CADM2: variants seen among roughly 807,000 people sequenced by gnomAD.
The protein encoded by CADM2 is cell adhesion molecule 2, also known as immunoglobulin superfamily member 4D.
In CADM2, 12 loss-of-function variants were observed where a neutral mutation model predicts 49.8. The ratio of observed to expected loss-of-function variants is 0.24; its 90% CI spans 0.15 to 0.39. CADM2 has a LOEUF of 0.39. CADM2 is among the 10% of genes least tolerant of loss of function. The pLI is 1.00. For missense variants in CADM2, 378 were observed against 492.3 expected, an observed-to-expected ratio of 0.77 and a Z score of 2.20; for synonymous variants, 214 against 175.4, an observed-to-expected ratio of 1.22 and a Z score of -1.74.
chr3:85,637,949 G>T (rs1259570998), intron 1 of CADM2, among the ~76,000 whole-genome samples: 1 of 152,118 alleles, frequency 6.6e-6, no homozygotes, highest in Non-Finnish European at 1.5e-5. Flanking sequence ...CCCACAATCT[G>T]ATGTTTAATG....
chr3:85,431,534 C>G (rs2036665913), intron 1 of CADM2, among the ~76,000 whole-genome samples: 1 of 151,722 alleles, frequency 6.6e-6, no homozygotes, highest in African/African-American at 2.4e-5. Context: ...TATGTACATG[C>G]TGAGAGGAAG....
At chr3:85,957,499 A>G (rs532408026) in intron 7 of CADM2, among the ~76,000 whole-genome samples, 2 of 151,896 alleles carry the variant, frequency 1.3e-5, no homozygotes, top group South Asian at 2.1e-4. Context: ...CACATTTACT[A>G]CAACACTTCA....
At chr3:85,939,796 C>A (rs1721636472) in intron 7 of CADM2, among the ~76,000 whole-genome samples, 5 of 143,948 alleles carry the variant, frequency 3.5e-5, no homozygotes, top group African/African-American at 1.0e-4. Flanking sequence ...TTTGTTCTTG[C>A]CATAAATCTA....
intron 3 of CADM2, among the ~76,000 whole-genome samples, chr3:85,848,981 A>G (rs940653932): frequency 2.1e-4 from 32 of 152,196 alleles, no homozygotes; most frequent in African/African-American, 7.2e-4. Flanking sequence ...CAAGACATGA[A>G]TCCGGGCAGT....
chr3:85,688,877 A>G (rs1043057952), intron 1 of CADM2, among the ~76,000 whole-genome samples: 1 of 152,092 alleles, frequency 6.6e-6, no homozygotes, highest in African/African-American at 2.4e-5. Flanking sequence ...CAAATTTCAC[A>G]GTTTCTTAAA....
At chr3:85,962,215 G>A (rs555360919) in intron 8 of CADM2, among the ~76,000 whole-genome samples, 18 of 151,992 alleles carry the variant, frequency 1.2e-4, no homozygotes, top group African/African-American at 3.9e-4. Context: ...CATCACACCC[G>A]GCTGATTGTC....
chr3:85,713,362 TG>T lies in CADM2; in HGVS notation c.62-13158del, dbSNP rs200510031. On this transcript the variant is annotated intron_variant, in intron 1 of 9. Transcript: ENST00000383699. ...CGGGGTTTCGTCATGTTGGCCAGGCTGGTCTCATACTCCTCACCTCAGGTGA... is the reference window on the plus strand; with the variant it reads ...CGGGGTTTCGTCATGTTGGCCAGGCTGTCTCATACTCCTCACCTCAGGTGA... 4.1e-3 allele frequency among the ~76,000 whole-genome samples: 632 copies of T among 152,308 alleles called. 6 individuals carry two copies. The highest frequency in any genetic ancestry group is 0.014 in the African/African-American group (592 of 41,556).
chr3:85,026,924 T>A (rs2107310788), intron 1 of CADM2, among the ~76,000 whole-genome samples: 1 of 152,064 alleles, frequency 6.6e-6, no homozygotes, highest in Non-Finnish European at 1.5e-5. Context: ...AAACAACTAT[T>A]TTATGTACTA....
chr3:84,978,011 TCTC>T (rs2031939777), intron 1 of CADM2, among the ~76,000 whole-genome samples: 1 of 152,112 alleles, frequency 6.6e-6, no homozygotes, highest in African/African-American at 2.4e-5. Flanking sequence ...AAGTTTGTCT[TCTC>T]CTTTCACATA....
chr3:85,163,455 G>A (rs750610940), intron 1 of CADM2, among the ~76,000 whole-genome samples: 10 of 151,866 alleles, frequency 6.6e-5, no homozygotes, highest in African/African-American at 1.2e-4. Context: ...CCATAATAAC[G>A]AAAAATTGGT....
chr3:85,132,366 C>T (rs1416962886), intron 1 of CADM2, among the ~76,000 whole-genome samples: 1 of 152,122 alleles, frequency 6.6e-6, no homozygotes, highest in African/African-American at 2.4e-5. Context: ...TAATGAGAGC[C>T]AGTTTCTTAG....
intron 1 of CADM2, among the ~76,000 whole-genome samples, chr3:84,962,712 A>G (rs1246563664): frequency 6.6e-6 from 1 of 152,088 alleles, no homozygotes; most frequent in Non-Finnish European, 1.5e-5. Flanking sequence ...TTTTAGCTTT[A>G]TCAGCACTAT....
At chr3:85,636,236 A>G (rs2064473905) in intron 1 of CADM2, among the ~76,000 whole-genome samples, 1 of 152,188 alleles carries the variant, frequency 6.6e-6, no homozygotes. Context: ...GTGGGACAAG[A>G]CGCAGAGGTG....
At chr3:85,479,671 A>G (rs372386778) in intron 1 of CADM2, among the ~76,000 whole-genome samples, 1 of 151,914 alleles carries the variant, frequency 6.6e-6, no homozygotes, top group African/African-American at 2.4e-5. Context: ...CTTTCTAACT[A>G]GTAATTTACC....
At chr3:85,751,406 T>C (rs1308526464) in intron 2 of CADM2, among the ~76,000 whole-genome samples, 2 of 152,194 alleles carry the variant, frequency 1.3e-5, no homozygotes, top group African/African-American at 4.8e-5. Flanking sequence ...ATTTATCATC[T>C]TAATGACATG....
chr3:85,192,010 A>C (rs2041221418), intron 1 of CADM2, among the ~76,000 whole-genome samples: 1 of 151,728 alleles, frequency 6.6e-6, no homozygotes, highest in Non-Finnish European at 1.5e-5. Flanking sequence ...ACTCTGTTGG[A>C]CAATGTCTCA....
intron 1 of CADM2, among the ~76,000 whole-genome samples, chr3:85,648,548 A>G (rs2064957275): frequency 1.3e-5 from 2 of 152,002 alleles, no homozygotes; most frequent in Admixed American, 6.6e-5. Context: ...CTCTGATTCT[A>G]TATGCCTCTC....
intron 7 of CADM2, among the ~76,000 whole-genome samples, chr3:85,941,379 A>G (rs1721879463): frequency 6.6e-6 from 1 of 152,106 alleles, no homozygotes; most frequent in Admixed American, 6.6e-5. Flanking sequence ...AACACATTTC[A>G]GGACAGTGGG....
At chr3:85,414,577 C>T (rs1411831709) in intron 1 of CADM2, among the ~76,000 whole-genome samples, 1 of 151,960 alleles carries the variant, frequency 6.6e-6, no homozygotes, top group Non-Finnish European at 1.5e-5. Flanking sequence ...ATTTTTCTAT[C>T]TAAATGATTA....
Sources: allele counts gnomAD v4.1 joint callset (sites outside exome capture counted in the v4.1 genomes callset), GRCh38; gene constraint gnomAD v4.1.1; transcripts MANE v1.5; gene names NCBI Gene and HGNC (gene_info 2026-07-23, HGNC 2026-07-21).